Variants in ADCY2 observed in about 807,000 individuals in gnomAD.
The protein encoded by ADCY2 is adenylate cyclase 2, also known as adenylate cyclase type 2.
ADCY2 carries 31 observed loss-of-function variants against 125.2 expected under a neutral mutation model. The ratio of observed to expected loss-of-function variants is 0.25; its 90% CI spans 0.19 to 0.33. The LOEUF is 0.33. Among genes scored for constraint, ADCY2 ranks in the 10% least tolerant of loss-of-function variants. ADCY2 has a pLI of 1.00. For missense variants in ADCY2, 904 were observed against 1,418.2 expected (o/e 0.64, Z 5.82); for synonymous variants, 512 against 548.4 (o/e 0.93, Z 0.93).
At chr5:7,508,065 A>G (rs1179754064) in intron 2 of ADCY2, among the ~76,000 whole-genome samples, 1 of 151,900 alleles carries the variant, frequency 6.6e-6, no homozygotes. Context: ...TCTTCTTCTG[A>G]TGTTTCTAAA....
chr5:7,417,447 G>A (rs373559385), intron 2 of ADCY2, among the ~76,000 whole-genome samples: 2 of 152,244 alleles, frequency 1.3e-5, no homozygotes, highest in African/African-American at 4.8e-5. Flanking sequence ...TTATTCTGAT[G>A]TAGTATTTTG....
chr5:7,687,067 G>A, intron 4 of ADCY2, among the ~76,000 whole-genome samples: 1 of 152,164 alleles, frequency 6.6e-6, no homozygotes. Flanking sequence ...CTGGGTGGCA[G>A]TTACCAACGT....
intron 3 of ADCY2, among the ~76,000 whole-genome samples, chr5:7,561,848 C>T (rs774968477): frequency 1.4e-4 from 22 of 152,162 alleles, no homozygotes; most frequent in South Asian, 4.1e-4. Flanking sequence ...TCTAACCAGA[C>T]GGAATTATTC....
At position 7,642,629 on chromosome 5, in the gene ADCY2, C is replaced by A. The variant is rs115449644; in HGVS notation, c.720+16313C>A. On this transcript the variant is annotated intron_variant, in intron 4 of 24. Transcript: ENST00000338316. ...ATGTCCAGAATGCTGTTTCCAGATA[C>A]TATACAAAATGAACATCACCAATGC... is the stretch of plus-strand genomic sequence containing the variant. Among the ~76,000 whole-genome samples the A allele has an allele frequency of 7.3e-3, 1,105 of 152,032 alleles. 9 individuals carry two copies. The highest frequency in any genetic ancestry group is 0.025 in the African/African-American group (1,040 of 41,502).
intron 4 of ADCY2, among the ~76,000 whole-genome samples, chr5:7,653,051 T>C (rs574885068): frequency 2.0e-5 from 3 of 152,354 alleles, no homozygotes; most frequent in East Asian, 3.9e-4. Flanking sequence ...GGAAATGATA[T>C]TGTTTTGATT....
chr5:7,559,245 A>C (rs1735631504), intron 3 of ADCY2, among the ~76,000 whole-genome samples: 1 of 152,214 alleles, frequency 6.6e-6, no homozygotes, highest in Non-Finnish European at 1.5e-5. Context: ...AATAGCAATG[A>C]ATCTATAAAT....
chr5:7,714,430 T>G (rs1438972473), intron 11 of ADCY2, among the ~76,000 whole-genome samples: 1 of 152,222 alleles, frequency 6.6e-6, no homozygotes, highest in Non-Finnish European at 1.5e-5. Context: ...TGGAAGACAA[T>G]GATAAGAAGC....
chr5:7,442,488 T>C (rs966384590), intron 2 of ADCY2, among the ~76,000 whole-genome samples: 1 of 152,162 alleles, frequency 6.6e-6, no homozygotes, highest in African/African-American at 2.4e-5. Context: ...TGGTGGTGTG[T>C]GTTCCCCTGG....
At chr5:7,671,989 G>A (rs1283592337) in intron 4 of ADCY2, among the ~76,000 whole-genome samples, 2 of 152,040 alleles carry the variant, frequency 1.3e-5, no homozygotes, top group Non-Finnish European at 2.9e-5. Flanking sequence ...TTCTGGTTTT[G>A]GTGCAGTGAC....
At chr5:7,429,014 C>CAGAGAG (rs3033090) in intron 2 of ADCY2, among the ~76,000 whole-genome samples, 43 of 149,784 alleles carry the variant, frequency 2.9e-4, no homozygotes, top group African/African-American at 1.0e-3. Context: ...AAGAGTTGCA[C>CAGAGAG]AGAGAGAGAG....
At chr5:7,706,122 A>G (rs1741259872) in intron 7 of ADCY2, among the ~76,000 whole-genome samples, 1 of 151,990 alleles carries the variant, frequency 6.6e-6, no homozygotes, top group Non-Finnish European at 1.5e-5. Flanking sequence ...AAGCATTTCC[A>G]TTTTTTCTTC....
chr5:7,720,050 A>G (rs1187289025), intron 12 of ADCY2, among the ~76,000 whole-genome samples: 1 of 151,868 alleles, frequency 6.6e-6, no homozygotes, highest in Non-Finnish European at 1.5e-5. Context: ...ATAAGTAGGG[A>G]ATCACTTATT....
intron 3 of ADCY2, among the ~76,000 whole-genome samples, chr5:7,597,185 T>C (rs1737033817): frequency 6.6e-6 from 1 of 152,270 alleles, no homozygotes; most frequent in South Asian, 2.1e-4. Flanking sequence ...AGCTGCTATT[T>C]CTGGCTTATG....
intron 11 of ADCY2, among the ~76,000 whole-genome samples, chr5:7,714,329 T>C (rs1741530062): frequency 6.6e-6 from 1 of 152,224 alleles, no homozygotes; most frequent in Non-Finnish European, 1.5e-5. Context: ...GCAATCCTGC[T>C]TTAAGAGTCT....
At chr5:7,693,219 G>A (rs1251585079) in intron 5 of ADCY2, among the ~76,000 whole-genome samples, 1 of 151,910 alleles carries the variant, frequency 6.6e-6, no homozygotes, top group African/African-American at 2.4e-5. Flanking sequence ...GGCTCTCCAG[G>A]GTTCCAAGGA....
At chr5:7,599,938 A>C (rs1317146974) in intron 3 of ADCY2, among the ~76,000 whole-genome samples, 3 of 152,184 alleles carry the variant, frequency 2.0e-5, no homozygotes, top group African/African-American at 7.2e-5. Flanking sequence ...CATATAAAGG[A>C]ATCCCGGTGG....
intron 2 of ADCY2, among the ~76,000 whole-genome samples, chr5:7,418,847 G>T (rs1238070641): frequency 6.6e-6 from 1 of 151,670 alleles, no homozygotes; most frequent in African/African-American, 2.4e-5. Context: ...ATAGAGACGG[G>T]TTTCACCATA....
chr5:7,444,892 CA>C (rs1741179443), intron 2 of ADCY2, among the ~76,000 whole-genome samples: 1 of 152,142 alleles, frequency 6.6e-6, no homozygotes, highest in South Asian at 2.1e-4. Flanking sequence ...GTCCAAAGGA[CA>C]TTTGAATTTT....
At chr5:7,421,671 G>A (rs991977145) in intron 2 of ADCY2, among the ~76,000 whole-genome samples, 9 of 152,220 alleles carry the variant, frequency 5.9e-5, no homozygotes, top group African/African-American at 1.9e-4. Context: ...CTCTCTGGTA[G>A]TAGGACAGGC....
Sources: gnomAD v4.1 joint callset for allele counts (sites outside exome capture counted in the v4.1 genomes callset) on GRCh38, gnomAD v4.1.1 for gene constraint, MANE v1.5 for transcripts, NCBI Gene and HGNC (gene_info 2026-07-23, HGNC 2026-07-21) for gene names.